The following APBB1IP variants were observed in gnomAD, a reference collection of about 807,000 sequenced individuals.
APBB1IP encodes amyloid beta precursor protein binding family B member 1 interacting protein.
A neutral mutation model predicts 64.9 loss-of-function variants in APBB1IP; 27 were observed. The ratio of observed to expected loss-of-function variants is 0.42; its 90% confidence interval spans 0.31 to 0.57. APBB1IP has a LOEUF of 0.57. APBB1IP is among the 20% of genes least tolerant of loss of function. APBB1IP has a pLI of 0.20. For synonymous variants in APBB1IP, 392 were observed against 331.0 expected (o/e 1.18, Z -2.00); for missense variants, 812 against 845.5 (o/e 0.96, Z 0.49).
Position 26,536,217 on chromosome 10 carries a change from G to T in APBB1IP, c.1044G>T (p.Lys348Asn). 2 of 1,474,224 alleles carry T rather than the reference G, an allele frequency of 1.4e-6. No homozygotes were observed. The highest frequency in any genetic ancestry group is 1.4e-5 in the South Asian group (1 of 72,340). 91.3% of individuals were successfully genotyped at this position (1,474,224 alleles called of 1,614,324 possible). The change falls in exon 10 of 15, where the codon AAG becomes AAT. Residue 348 changes from lysine (K) to asparagine (N), a missense_variant and splice_region_variant. Transcript: ENST00000376236. ...ATTATGTACCCAAAGGAAAGACTAAGGTCAGAAAAAAAAAAAAAAAAGCAC... is the reference window on the plus strand; with the variant it reads ...ATTATGTACCCAAAGGAAAGACTAATGTCAGAAAAAAAAAAAAAAAAGCAC... ...GIYYVPKGKT[K>N]TSRDLACFIQ...
At chr10:26,545,500 C>T (rs911682146) in intron 11 of APBB1IP, among the ~76,000 whole-genome samples, 1 of 152,162 alleles carries the variant, frequency 6.6e-6, no homozygotes. Flanking sequence ...GTGGCTCACG[C>T]CTGTAATCCC....
Position 26,513,639 on chromosome 10 carries a change from T to C in APBB1IP, c.792T>C (p.Tyr264=), listed in dbSNP as rs574203842. The change falls in exon 8 of 15, where the codon TAT becomes TAC. Residue 264 remains tyrosine, a synonymous_variant. Coordinates refer to ENST00000376236, the MANE Select transcript of APBB1IP (RefSeq NM_019043.4). ...TATTTTTGGAGAAAGAGGAGAAATA[T>C]GCTGTATTTAAAAACCCCCAGGTAA... ...KILFLEKEEK[Y]AVFKNPQNFY... The C allele has an allele frequency of 2.5e-6, 4 of 1,612,670 alleles. No individual in the cohort carries two copies. The South Asian group carries it at 3.3e-5, about 13-fold the overall frequency.
chr10:26,526,511 G>T (rs61838872), intron 8 of APBB1IP, among the ~76,000 whole-genome samples: 34,906 of 151,940 alleles, frequency 0.23, 4,636 homozygotes, highest in Middle Eastern at 0.3. Context: ...ACGAAGTCAG[G>T]AGATCAAGAC....
rs373873259 is a variant in APBB1IP at position 26,446,854 on chromosome 10, G to GTAGATAGA, written c.-1+8014_-1+8021dup. Reference sequence around the variant, plus strand: ...CAGCTTGGGTGACAGAGCAAAACCTGTAGATAGATAGATAGATAGAGAGAG... The same window carrying GTAGATAGA: ...CAGCTTGGGTGACAGAGCAAAACCTGTAGATAGATAGATAGATAGATAGATAGAGAGAG... On this transcript the variant is annotated intron_variant, in intron 2 of 14. Coordinates refer to ENST00000376236, the MANE Select transcript of APBB1IP (RefSeq NM_019043.4). Among the ~76,000 whole-genome samples the GTAGATAGA allele has an allele frequency of 7.5e-5, 5 of 66,578 alleles. No individual in the cohort carries two copies. In the East Asian group the frequency reaches 2.0e-3, roughly 27 times the overall value. The allele number at this position is 66,578 out of a possible 152,430, so 43.7% of individuals were successfully genotyped here.
At chr10:26,551,933 GGA>G (rs1836835838) in intron 11 of APBB1IP, among the ~76,000 whole-genome samples, 26 of 138,216 alleles carry the variant, frequency 1.9e-4, no homozygotes, top group South Asian at 4.9e-4. Flanking sequence ...GTGGGTGGAT[GGA>G]TGGATGGATG....
intron 2 of APBB1IP, among the ~76,000 whole-genome samples, chr10:26,481,059 A>C (rs1282093679): frequency 6.6e-6 from 1 of 151,710 alleles, no homozygotes; most frequent in East Asian, 1.9e-4. Flanking sequence ...TTATATAGAC[A>C]CCCAAAGTAG....
intron 2 of APBB1IP, among the ~76,000 whole-genome samples, chr10:26,465,008 C>G (rs1371694502): frequency 6.6e-6 from 1 of 152,168 alleles, no homozygotes; most frequent in East Asian, 1.9e-4. Context: ...ACAGAGAACT[C>G]TGGGGCATTC....
chr10:26,562,234 A>G (rs35016443), intron 13 of APBB1IP, 92 bp from the exon 14 acceptor site: 19,227 of 922,318 alleles, frequency 0.021, 257 homozygotes, highest in Non-Finnish European at 0.028. Flanking sequence ...TCTTTGCTTT[A>G]GAGATGCAAA....
intron 10 of APBB1IP, among the ~76,000 whole-genome samples, chr10:26,540,928 G>A: frequency 6.6e-6 from 1 of 151,524 alleles, no homozygotes. Flanking sequence ...TTCGTCCTGA[G>A]GGGGACTTTT....
At chr10:26,476,265 G>T (rs1374674970) in intron 2 of APBB1IP, among the ~76,000 whole-genome samples, 1 of 151,234 alleles carries the variant, frequency 6.6e-6, no homozygotes, top group African/African-American at 2.4e-5. Context: ...CACCATGTTG[G>T]CCAGGCTGGT....
At chr10:26,525,010 C>T (rs1836455662) in intron 8 of APBB1IP, among the ~76,000 whole-genome samples, 1 of 125,064 alleles carries the variant, frequency 8.0e-6, no homozygotes. Context: ...AAAAAAAAGT[C>T]AGGCACAGTG....
At chr10:26,525,511 T>C (rs1259767721) in intron 8 of APBB1IP, among the ~76,000 whole-genome samples, 2 of 152,090 alleles carry the variant, frequency 1.3e-5, no homozygotes, top group Non-Finnish European at 2.9e-5. Context: ...AGAGACTCTC[T>C]TGCACAGGGG....
At chr10:26,555,628 G>T (rs776262810) in intron 11 of APBB1IP, among the ~76,000 whole-genome samples, 90 of 151,930 alleles carry the variant, frequency 5.9e-4, no homozygotes, top group Non-Finnish European at 9.0e-4. Flanking sequence ...TTTGAGGTAG[G>T]GTCTCCTCCA....
chr10:26,551,638 G>A (rs984748072), intron 11 of APBB1IP, among the ~76,000 whole-genome samples: 2 of 152,194 alleles, frequency 1.3e-5, no homozygotes, highest in Non-Finnish European at 2.9e-5. Context: ...GAATGTCATG[G>A]AAGGAGCGCT....
intron 8 of APBB1IP, among the ~76,000 whole-genome samples, chr10:26,521,264 G>A (rs1342584482): frequency 6.6e-6 from 1 of 152,182 alleles, no homozygotes; most frequent in African/African-American, 2.4e-5. Context: ...GCTGAAATCT[G>A]AGTGCACAGA....
At chr10:26,497,731 T>C (rs1345211086) in intron 4 of APBB1IP, among the ~76,000 whole-genome samples, 1 of 145,902 alleles carries the variant, frequency 6.9e-6, no homozygotes, top group African/African-American at 2.5e-5. Context: ...ATTTTTTTTT[T>C]TTTTTTTTTT....
intron 2 of APBB1IP, among the ~76,000 whole-genome samples, chr10:26,489,449 A>C (rs1439347802): frequency 6.6e-6 from 1 of 152,250 alleles, no homozygotes; most frequent in East Asian, 1.9e-4. Flanking sequence ...CAGATTTCCT[A>C]AATGATAAAC....
At chr10:26,458,205 C>T (rs571524826) in intron 2 of APBB1IP, among the ~76,000 whole-genome samples, 3 of 152,116 alleles carry the variant, frequency 2.0e-5, no homozygotes, top group Non-Finnish European at 2.9e-5. Context: ...TGGACCAACA[C>T]GGTGAAACCG....
intron 2 of APBB1IP, among the ~76,000 whole-genome samples, chr10:26,488,345 C>A (rs555960101): frequency 6.6e-6 from 1 of 151,996 alleles, no homozygotes; most frequent in Non-Finnish European, 1.5e-5. Context: ...AAGCCATCAT[C>A]CCGTCTCAGC....
Sources: allele counts gnomAD v4.1 joint callset (sites outside exome capture counted in the v4.1 genomes callset), GRCh38; gene constraint gnomAD v4.1.1; transcripts MANE v1.5; gene names NCBI Gene and HGNC (gene_info 2026-07-23, HGNC 2026-07-21).